SKAP2: variants seen among roughly 807,000 people sequenced by gnomAD.
The protein encoded by SKAP2 is src kinase-associated phosphoprotein 2.
A neutral mutation model predicts 54.9 loss-of-function variants in SKAP2; 28 were observed. That is an observed-to-expected ratio of 0.51 (90% CI 0.38 to 0.70). The LOEUF (loss-of-function observed/expected upper bound fraction) is 0.70. Ranked by LOEUF, SKAP2 falls within the 30% of genes least tolerant of loss-of-function variation. The pLI is 0.00. For synonymous variants in SKAP2, 137 were observed against 134.3 expected, an observed-to-expected ratio of 1.02 and a Z score of -0.14; for missense variants, 356 against 424.1, an observed-to-expected ratio of 0.84 and a Z score of 1.41.
At chr7:26,835,874 G>A (rs571590603) in intron 4 of SKAP2, among the ~76,000 whole-genome samples, 14 of 152,200 alleles carry the variant, frequency 9.2e-5, no homozygotes, top group South Asian at 4.1e-4. Context: ...AAAAGAGCCC[G>A]TATAGCCAAG....
intron 4 of SKAP2, among the ~76,000 whole-genome samples, chr7:26,840,347 T>C (rs553719561): frequency 6.6e-6 from 1 of 152,240 alleles, no homozygotes; most frequent in Non-Finnish European, 1.5e-5. Flanking sequence ...ATATGTCTTC[T>C]AGCTCACTGA....
At chr7:26,687,943 AACT>A (rs746917742) in intron 10 of SKAP2, among the ~76,000 whole-genome samples, 30 of 152,274 alleles carry the variant, frequency 2.0e-4, no homozygotes, top group African/African-American at 6.3e-4. Context: ...TACAAAAAAA[AACT>A]ACATTATGTT....
intron 4 of SKAP2, among the ~76,000 whole-genome samples, chr7:26,823,218 G>C (rs1211006230): frequency 6.6e-6 from 1 of 152,058 alleles, no homozygotes; most frequent in Non-Finnish European, 1.5e-5. Flanking sequence ...CTGCAGTCAG[G>C]AGTTTGAGAC....
chr7:26,731,809 T>A (rs1787829259), intron 6 of SKAP2, among the ~76,000 whole-genome samples: 1 of 152,100 alleles, frequency 6.6e-6, no homozygotes, highest in Non-Finnish European at 1.5e-5. Context: ...TGCCCTTACC[T>A]TCACCAACTG....
intron 1 of SKAP2, chr7:26,857,462 A>G (rs746563614): frequency 1.0e-6 from 1 of 985,190 alleles, no homozygotes; most frequent in Non-Finnish European, 1.2e-6. Context: ...CGTTTCTTTT[A>G]GAATCGAATG....
chr7:26,792,551 T>C (rs1402496627), intron 4 of SKAP2, among the ~76,000 whole-genome samples: 1 of 152,144 alleles, frequency 6.6e-6, no homozygotes, highest in Non-Finnish European at 1.5e-5. Flanking sequence ...TTAAGAACCA[T>C]AAATTCTAAC....
intron 4 of SKAP2, among the ~76,000 whole-genome samples, chr7:26,745,646 C>G (rs768910083): frequency 6.6e-6 from 1 of 152,136 alleles, no homozygotes; most frequent in African/African-American, 2.4e-5. Context: ...TCCTGAGTAG[C>G]TGGGATTATA....
intron 4 of SKAP2, among the ~76,000 whole-genome samples, chr7:26,794,870 C>A (rs1170992036): frequency 1.3e-5 from 2 of 152,172 alleles, no homozygotes; most frequent in Non-Finnish European, 2.9e-5. Flanking sequence ...AGGTGGATAT[C>A]TTGTCCAGCC....
At chr7:26,742,243 C>T (rs1782470386) in intron 4 of SKAP2, 1 of 152,104 alleles carries the variant, frequency 6.6e-6, no homozygotes, top group South Asian at 2.1e-4. Flanking sequence ...TCCCACAACC[C>T]TCTCACTTCC....
chr7:26,750,354 C>A (rs561602860), intron 4 of SKAP2, among the ~76,000 whole-genome samples: 3 of 149,806 alleles, frequency 2.0e-5, no homozygotes, highest in Admixed American at 2.0e-4. Context: ...CTCTTTCACC[C>A]AGGATGGAGT....
intron 9 of SKAP2, among the ~76,000 whole-genome samples, chr7:26,722,878 A>T (rs1337942046): frequency 6.6e-6 from 1 of 152,230 alleles, no homozygotes; most frequent in East Asian, 1.9e-4. Context: ...TTCTCTTCAA[A>T]TACATTTGTA....
chr7:26,757,593 G>C (rs1782823279), intron 4 of SKAP2, among the ~76,000 whole-genome samples: 1 of 152,160 alleles, frequency 6.6e-6, no homozygotes, highest in Non-Finnish European at 1.5e-5. Context: ...AGTATAGTTT[G>C]AAGTCAGGTA....
chr7:26,854,296 G>A, intron 2 of SKAP2, 134 bp from the exon 3 acceptor site: 1 of 520,352 alleles, frequency 1.9e-6, no homozygotes, highest in Non-Finnish European at 3.4e-6. Context: ...ACTAATTCCT[G>A]TCCTGAAATG....
chr7:26,732,471 G>T (rs1011428511), intron 6 of SKAP2, among the ~76,000 whole-genome samples: 9 of 152,146 alleles, frequency 5.9e-5, no homozygotes, highest in African/African-American at 1.9e-4. Context: ...CATAAACAAA[G>T]TTGGTTTCCG....
intron 1 of SKAP2, among the ~76,000 whole-genome samples, chr7:26,856,773 T>C (rs748372189): frequency 6.6e-6 from 1 of 152,192 alleles, no homozygotes; most frequent in South Asian, 2.1e-4. Context: ...GACTGGGGAA[T>C]AGTCTGCTTA....
chr7:26,843,895 T>C (rs995413576), intron 4 of SKAP2, 135 bp downstream of exon 4: 1 of 578,776 alleles, frequency 1.7e-6, no homozygotes, highest in Non-Finnish European at 3.1e-6. Context: ...AGAGCTCTTC[T>C]GTTCCTTAAA....
chr7:26,755,527 A>G (rs925436117), intron 4 of SKAP2, among the ~76,000 whole-genome samples: 2 of 152,244 alleles, frequency 1.3e-5, no homozygotes, highest in Non-Finnish European at 2.9e-5. Context: ...AATTTATGGA[A>G]TAAGTACAAA....
chr7:26,776,797 T>C (rs1783320191), intron 4 of SKAP2, among the ~76,000 whole-genome samples: 1 of 152,224 alleles, frequency 6.6e-6, no homozygotes, highest in Admixed American at 6.5e-5. Context: ...CATTCCTGCA[T>C]TAAGATCTTA....
intron 4 of SKAP2, among the ~76,000 whole-genome samples, chr7:26,834,107 C>T (rs1455526751): frequency 2.0e-5 from 3 of 152,022 alleles, no homozygotes; most frequent in African/African-American, 7.2e-5. Context: ...GGGTAAATAA[C>T]GAAATTAAGG....
Sources: allele counts gnomAD v4.1 joint callset (sites outside exome capture counted in the v4.1 genomes callset), GRCh38; gene constraint gnomAD v4.1.1; transcripts MANE v1.5; gene names NCBI Gene and HGNC (gene_info 2026-07-23, HGNC 2026-07-21).